The following ORC2 variants were observed in gnomAD, a reference collection of about 807,000 sequenced individuals.
ORC2 encodes origin recognition complex protein 2 homolog.
A neutral mutation model predicts 77.7 loss-of-function variants in ORC2; 37 were observed. The observed-to-expected ratio is 0.48, with a 90% CI of 0.37 to 0.63. The LOEUF is 0.63. ORC2 is among the 20% of genes least tolerant of loss of function. The pLI is 0.00. For missense variants in ORC2, 557 were observed against 661.9 expected, an observed-to-expected ratio of 0.84 and a Z score of 1.74; for synonymous variants, 201 against 229.5, an observed-to-expected ratio of 0.88 and a Z score of 1.12.
intron 4 of ORC2, among the ~76,000 whole-genome samples, chr2:200,952,929 T>C (rs1268049728): frequency 6.6e-6 from 1 of 151,378 alleles, no homozygotes; most frequent in African/African-American, 2.4e-5. Flanking sequence ...CTGGTCAACA[T>C]GGTGAGACTC....
intron 2 of ORC2, among the ~76,000 whole-genome samples, chr2:200,958,740 C>A (rs1427806187): frequency 6.6e-6 from 1 of 152,210 alleles, no homozygotes; most frequent in Non-Finnish European, 1.5e-5. Flanking sequence ...ATCTTTCGAA[C>A]ACTTTACACT....
chr2:200,945,553 A>G (rs1226287688), intron 5 of ORC2, among the ~76,000 whole-genome samples: 1 of 152,150 alleles, frequency 6.6e-6, no homozygotes, highest in Non-Finnish European at 1.5e-5. Context: ...GGGGCAATAC[A>G]GTGAGACCCT....
chr2:200,933,346 TG>T (rs1276359251), intron 10 of ORC2, among the ~76,000 whole-genome samples: 1 of 151,956 alleles, frequency 6.6e-6, no homozygotes, highest in African/African-American at 2.4e-5. Context: ...TCCTCTACTT[TG>T]TGCAAAGTTT....
At chr2:200,935,290 T>C (rs909916408) in intron 9 of ORC2, among the ~76,000 whole-genome samples, 1 of 152,092 alleles carries the variant, frequency 6.6e-6, no homozygotes, top group African/African-American at 2.4e-5. Context: ...ACCTGGCTAA[T>C]TTTTGTGTTT....
rs200333126 is a variant in ORC2 at position 200,941,314 on chromosome 2, G to A, written c.422-35C>T. The A allele has an allele frequency of 1.6e-4, 257 of 1,587,718 alleles. No individual in the cohort carries two copies. In the African/African-American group the frequency reaches 1.8e-3, roughly 11 times the overall value. On this transcript the variant is annotated intron_variant, in intron 6 of 17. Transcript: ENST00000234296. ...GAAACAAAAAGCCATGACTTACTAC[G>A]GACACTTCACTTTTCATTGTGGTCT...
chr2:200,913,479 C>G, intron 16 of ORC2, 66 bp from the exon 17 acceptor site: 1 of 1,490,392 alleles, frequency 6.7e-7, no homozygotes, highest in South Asian at 1.3e-5. Flanking sequence ...TACAAACACC[C>G]ATACAAAAGA....
At chr2:200,948,620 T>C (rs1276592512) in intron 5 of ORC2, among the ~76,000 whole-genome samples, 1 of 152,114 alleles carries the variant, frequency 6.6e-6, no homozygotes, top group Non-Finnish European at 1.5e-5. Flanking sequence ...TGGAGTGCAA[T>C]GGCACAATCT....
At chr2:200,938,496 T>A (rs951814500) in intron 7 of ORC2, among the ~76,000 whole-genome samples, 2 of 152,204 alleles carry the variant, frequency 1.3e-5, no homozygotes, top group Non-Finnish European at 2.9e-5. Context: ...ACTTTCTTAC[T>A]TTCTGTATTT....
intron 3 of ORC2, among the ~76,000 whole-genome samples, 162 bp from the exon 4 acceptor site, chr2:200,957,706 T>G (rs1188842193): frequency 6.6e-6 from 1 of 151,778 alleles, no homozygotes; most frequent in Non-Finnish European, 1.5e-5. Context: ...CTTCCACAGT[T>G]TATATAGTTA....
intron 11 of ORC2, among the ~76,000 whole-genome samples, chr2:200,929,243 G>C (rs1256049357): frequency 2.6e-5 from 4 of 152,116 alleles, no homozygotes; most frequent in Admixed American, 2.6e-4. Context: ...GAGCCACCGT[G>C]CCCAGCCAAG....
chr2:200,956,612 G>T (rs1313118595), intron 4 of ORC2, among the ~76,000 whole-genome samples: 1 of 152,048 alleles, frequency 6.6e-6, no homozygotes, highest in Non-Finnish European at 1.5e-5. Context: ...TCACAGGCGT[G>T]AGCCACCATG....
intron 9 of ORC2, among the ~76,000 whole-genome samples, chr2:200,934,279 T>C (rs983767351): frequency 2.6e-5 from 4 of 152,050 alleles, no homozygotes; most frequent in African/African-American, 9.7e-5. Flanking sequence ...TGGTTTTATA[T>C]ATCAAGATCT....
intron 5 of ORC2, among the ~76,000 whole-genome samples, chr2:200,948,237 C>T (rs186451462): frequency 1.1e-3 from 167 of 152,108 alleles, no homozygotes; most frequent in African/African-American, 3.8e-3. Flanking sequence ...TCTGTAGAGA[C>T]AGGGTTTCGC....
intron 15 of ORC2, among the ~76,000 whole-genome samples, 172 bp from the exon 16 acceptor site, chr2:200,914,164 T>C (rs540598414): frequency 6.6e-6 from 1 of 150,594 alleles, no homozygotes; most frequent in African/African-American, 2.5e-5. Context: ...CTTTCTAATT[T>C]CTTTTTTTTT....
At chr2:200,928,366 A>G (rs1293304012) in intron 11 of ORC2, among the ~76,000 whole-genome samples, 2 of 152,064 alleles carry the variant, frequency 1.3e-5, no homozygotes, top group African/African-American at 4.8e-5. Context: ...AAATAAATAA[A>G]TAAATATTTA....
At chr2:200,933,534 C>T (rs925741767) in intron 10 of ORC2, among the ~76,000 whole-genome samples, 67 of 152,184 alleles carry the variant, frequency 4.4e-4, no homozygotes, top group African/African-American at 1.6e-3. Flanking sequence ...GGGAAAAATG[C>T]ATAATTACAG....
chr2:200,959,493 A>C (rs1397203488), intron 1 of ORC2, 53 bp from the exon 2 acceptor site: 2 of 152,262 alleles, frequency 1.3e-5, no homozygotes, highest in African/African-American at 4.8e-5. Flanking sequence ...AAATGAAAGC[A>C]ATGGGGCAAA....
chr2:200,925,309 T>C (rs2040823655), intron 13 of ORC2, among the ~76,000 whole-genome samples: 1 of 152,058 alleles, frequency 6.6e-6, no homozygotes, highest in African/African-American at 2.4e-5. Context: ...GAGTGTTTTA[T>C]AAACAGAAAC....
chr2:200,927,357 T>C (rs2040857671), intron 11 of ORC2, among the ~76,000 whole-genome samples: 1 of 151,922 alleles, frequency 6.6e-6, no homozygotes, highest in South Asian at 2.1e-4. Context: ...TTGCTGGGAC[T>C]ACAGGTGTGA....
Sources: allele counts gnomAD v4.1 joint callset (sites outside exome capture counted in the v4.1 genomes callset), GRCh38; gene constraint gnomAD v4.1.1; transcripts MANE v1.5; gene names NCBI Gene and HGNC (gene_info 2026-07-23, HGNC 2026-07-21).